The following CCDC122 variants were observed in gnomAD, a reference collection of about 807,000 sequenced individuals.
CCDC122 encodes the protein coiled-coil domain-containing protein 122.
A neutral mutation model predicts 37.0 loss-of-function variants in CCDC122; 38 were observed. The observed-to-expected ratio is 1.03, with a 90% CI of 0.79 to 1.35. The LOEUF is 1.35. Among genes scored for constraint, CCDC122 ranks in the 40% most tolerant of loss-of-function variants. The pLI, the probability that CCDC122 is intolerant of heterozygous loss-of-function variation, is 0.00. For synonymous variants in CCDC122, 83 were observed against 95.6 expected (o/e 0.87, Z 0.77); for missense variants, 305 against 310.0 (o/e 0.98, Z 0.12).
chr13:43,829,318 T>C (rs914591262), intron 3 of CCDC122, among the ~76,000 whole-genome samples: 1 of 152,180 alleles, frequency 6.6e-6, no homozygotes, highest in Non-Finnish European at 1.5e-5. Context: ...TTATTTTTAT[T>C]TTTTTGAGAC....
At chr13:43,837,673 T>G (rs2153869290) in intron 6 of CCDC122, among the ~76,000 whole-genome samples, 1 of 152,094 alleles carries the variant, frequency 6.6e-6, no homozygotes, top group South Asian at 2.1e-4. Flanking sequence ...ATATGGGTAT[T>G]ATTATCCTCA....
rs114565261 is a variant in CCDC122, at chr13:43,839,069, G to A, written c.673-1640C>T. Among the ~76,000 whole-genome samples the A allele has an allele frequency of 9.0e-3, 1,377 of 152,326 alleles. 17 individuals are homozygous for A. The highest frequency in any genetic ancestry group is 0.03 in the African/African-American group (1,240 of 41,570). ...CTTGTGGTCAGCAAGGATGACTCCA[G>A]TGGATGGGTGGTGCAAGGTCTGGTA... On this transcript the variant is annotated intron_variant, in intron 6 of 6. Transcript: ENST00000444614.
At chr13:43,840,647 T>A (rs1953319872) in intron 6 of CCDC122, among the ~76,000 whole-genome samples, 1 of 152,064 alleles carries the variant, frequency 6.6e-6, no homozygotes, top group South Asian at 2.1e-4. Flanking sequence ...TGGTTTTTTG[T>A]CTTGCAACAG....
At chr13:43,824,687 A>G (rs947691858) in intron 3 of CCDC122, among the ~76,000 whole-genome samples, 1 of 152,220 alleles carries the variant, frequency 6.6e-6, no homozygotes, top group African/African-American at 2.4e-5. Flanking sequence ...TCTTTAAGGA[A>G]CTTAAACAAA....
At chr13:43,834,119 C>T (rs931187728), downstream of CCDC122, among the ~76,000 whole-genome samples, 3 of 151,988 alleles carry the variant, frequency 2.0e-5, no homozygotes, top group African/African-American at 7.3e-5. Flanking sequence ...AGATATAGAC[C>T]AATGGAACAG....
chr13:43,875,990 C>CA (rs752005487), intron 1 of CCDC122, among the ~76,000 whole-genome samples: 10 of 152,242 alleles, frequency 6.6e-5, no homozygotes, highest in Non-Finnish European at 1.5e-4. Context: ...ACTTGAGACT[C>CA]AGACCCACAT....
chr13:43,874,976 T>A (rs893046971), intron 1 of CCDC122, 49 bp from the exon 2 acceptor site: 4 of 152,184 alleles, frequency 2.6e-5, no homozygotes, highest in African/African-American at 9.7e-5. Flanking sequence ...TACCTCCTTA[T>A]CCAAGATAAT....
intron 4 of CCDC122, among the ~76,000 whole-genome samples, chr13:43,864,146 TTG>T (rs1954199754): frequency 6.6e-6 from 1 of 152,214 alleles, no homozygotes; most frequent in African/African-American, 2.4e-5. Flanking sequence ...CAAAAATCAA[TTG>T]ATATGTGTGG....
intron 2 of CCDC122, among the ~76,000 whole-genome samples, chr13:43,869,777 G>A (rs1269759954): frequency 6.6e-6 from 1 of 152,002 alleles, no homozygotes; most frequent in Non-Finnish European, 1.5e-5. Context: ...ATTATTTTGG[G>A]TTAGTATTAA....
chr13:43,829,110 A>C (rs1168503458), intron 3 of CCDC122, among the ~76,000 whole-genome samples: 1 of 152,190 alleles, frequency 6.6e-6, no homozygotes, highest in African/African-American at 2.4e-5. Context: ...AATACTGTTA[A>C]AGTTACTATA....
downstream of CCDC122, among the ~76,000 whole-genome samples, chr13:43,819,688 T>C (rs59701147): frequency 0.01 from 1,556 of 151,982 alleles, 25 homozygotes; most frequent in African/African-American, 0.035. Context: ...ATCAAAAAAA[T>C]AAAAATTGTA....
At chr13:43,862,628 G>A (rs1270034228) in intron 4 of CCDC122, among the ~76,000 whole-genome samples, 1 of 152,056 alleles carries the variant, frequency 6.6e-6, no homozygotes, top group Admixed American at 6.6e-5. Flanking sequence ...TCTTCCCACT[G>A]CTTAAAACAG....
At position 43,859,815 on chromosome 13, in the gene CCDC122, T is replaced by C; in HGVS notation, c.412A>G (p.Ser138Gly). The C allele has an allele frequency of 6.2e-7, 1 of 1,609,376 alleles. No homozygotes were observed. The highest frequency in any genetic ancestry group is 8.5e-7 in the Non-Finnish European group (1 of 1,178,434). Residue 138 changes from serine to glycine, a missense_variant, in exon 5 of 7, where the codon AGT becomes GGT. By Grantham distance (56) the Ser-to-Gly change is moderately conservative. Coordinates refer to ENST00000444614, the MANE Select transcript of CCDC122 (RefSeq NM_144974.5). ...CATTTGCTCTCTACTTCCCCCAAAC[T>C]ATTTTTATGTGCTTTTATTTTTGCA... The part of the protein sequence containing the change: ...YYAKIKAHKN[S>G]LGEVESKWSF...
At chr13:43,834,966 A>G (rs1953127494), downstream of CCDC122, among the ~76,000 whole-genome samples, 2 of 152,006 alleles carry the variant, frequency 1.3e-5, no homozygotes, top group South Asian at 2.1e-4. Flanking sequence ...CTGGGTATAT[A>G]CCCAAAGGAT....
chr13:43,858,733 T>C, intron 6 of CCDC122, 48 bp downstream of exon 6: 1 of 1,273,682 alleles, frequency 7.9e-7, no homozygotes, highest in Non-Finnish European at 1.0e-6. Context: ...GTGTTAAGTT[T>C]TAAAAATGGT....
At position 43,870,609 on chromosome 13, in the gene CCDC122, A is replaced by T. The variant is rs545242163; in HGVS notation, c.-113-1120T>A. ...TCCAAGTGCTTTAGATTAAAAAAAA[A>T]TTATATAGTGTTTATTCTGTGCCAG... On this transcript the variant is annotated intron_variant, in intron 2 of 6. Transcript: ENST00000444614. 5.5e-4 allele frequency among the ~76,000 whole-genome samples: 83 copies of T among 152,244 alleles called. 1 individual carries two copies. The highest frequency in any genetic ancestry group is 5.4e-3 in the Admixed American group (83 of 15,272).
chr13:43,825,348 T>C (rs868388133), intron 3 of CCDC122, among the ~76,000 whole-genome samples: 2 of 152,218 alleles, frequency 1.3e-5, no homozygotes, highest in African/African-American at 4.8e-5. Context: ...GGGAGCTAAA[T>C]GCTGGATACA....
chr13:43,837,458 G>A, intron 6 of CCDC122, 29 bp from the exon 7 acceptor site: 2 of 1,582,730 alleles, frequency 1.3e-6, no homozygotes, highest in Non-Finnish European at 1.7e-6. Context: ...ACATCAACAG[G>A]GCTTGTGAAG....
chr13:43,835,200 T>G (rs536271975), downstream of CCDC122, among the ~76,000 whole-genome samples: 33 of 152,180 alleles, frequency 2.2e-4, 1 homozygote, highest in East Asian at 6.4e-3. Flanking sequence ...CTCAGCAAAC[T>G]ATTGCAAGGA....
Sources: allele counts gnomAD v4.1 joint callset (sites outside exome capture counted in the v4.1 genomes callset), GRCh38; gene constraint gnomAD v4.1.1; transcripts MANE v1.5; gene names NCBI Gene and HGNC (gene_info 2026-07-23, HGNC 2026-07-21).